Variants in PCDHGB4 observed in about 807,000 individuals in gnomAD.
PCDHGB4 encodes the protein protocadherin gamma subfamily B, 4.
PCDHGB4 carries 38 observed loss-of-function variants against 60.5 expected under a neutral mutation model. The observed-to-expected ratio is 0.63, with a 90% confidence interval of 0.48 to 0.82. The LOEUF (loss-of-function observed/expected upper bound fraction) is 0.82, where lower values mean the gene tolerates loss of function less well. Among genes scored for constraint, PCDHGB4 ranks in the 40% least tolerant of loss-of-function variants. The pLI, the probability that PCDHGB4 is intolerant of heterozygous loss-of-function variation, is 0.00. For missense variants in PCDHGB4, 1,109 were observed against 1,209.6 expected (o/e 0.92, Z 1.23); for synonymous variants, 456 against 509.7 (o/e 0.89, Z 1.42).
chr5:141,431,767 T>C lies in PCDHGB4; in HGVS notation c.2397+41486T>C. The C allele has an allele frequency of 1.2e-6, 2 of 1,614,224 alleles. No homozygotes were observed. Among genetic ancestry groups the C allele is most frequent in the Non-Finnish European group, 1.7e-6 (2 of 1,180,034 alleles). ...CTGCGCGAGCCAAAGTCCTGATCAC[T>C]GTTCTGGACGTGAACGACAATGCCC... On this transcript the variant is annotated intron_variant, in intron 1 of 3. Coordinates refer to ENST00000519479, the MANE Select transcript of PCDHGB4 (RefSeq NM_003736.4). This position sits in a 1 kb window ranked among gnomAD's most constrained non-coding sequence, Gnocchi z 4.8.
In PCDHGB4 at chr5:141,477,844, G is replaced by A. The variant is rs748180474; in HGVS notation, c.2398-16963G>A. On this transcript the variant is annotated intron_variant, in intron 1 of 3. Coordinates refer to ENST00000519479, the MANE Select transcript of PCDHGB4 (RefSeq NM_003736.4). This position sits in a 1 kb window ranked among gnomAD's most constrained non-coding sequence, Gnocchi z 4.9. ...TATATCCTCGGCCAGGTGGGAGCTC[G>A]GTGGAGATGCTGCCTCGAGGTACCT... The A allele has an allele frequency of 6.2e-7, 1 of 1,613,394 alleles. No individual in the cohort carries two copies.
chr5:141,409,004 G>A, intron 1 of PCDHGB4: 3 of 1,614,004 alleles, frequency 1.9e-6, no homozygotes, highest in Non-Finnish European at 1.7e-6. Context: ...GACAGCCACT[G>A]ACCAGGATGA....
At position 141,491,065 on chromosome 5, in the gene PCDHGB4, C is replaced by T; in HGVS notation, c.2398-3742C>T. On this transcript the variant is annotated intron_variant, in intron 1 of 3. Transcript: ENST00000519479. This position sits in a 1 kb window ranked among gnomAD's most constrained non-coding sequence, Gnocchi z 6.9. ...CCACAATGCGTGGCTCTCCTACTCA[C>T]TGTTGCCACAGTCCACAGCCCCAGG... 4 of 1,614,210 alleles carry T rather than the reference C, an allele frequency of 2.5e-6. No individual in the cohort carries two copies. Among genetic ancestry groups the T allele is most frequent in the Admixed American group, 1.7e-5 (1 of 60,030 alleles).
At chr5:141,449,588 CAAAAAAA>C (rs768743917) in intron 1 of PCDHGB4, among the ~76,000 whole-genome samples, 5 of 57,506 alleles carry the variant, frequency 8.7e-5, no homozygotes, top group Admixed American at 3.6e-4. Flanking sequence ...GACTCTGTCT[CAAAAAAA>C]AAAAAAAAAA....
chr5:141,484,958 G>C (rs2099604320), intron 1 of PCDHGB4: 1 of 575,756 alleles, frequency 1.7e-6, no homozygotes, highest in Non-Finnish European at 3.1e-6. Flanking sequence ...TATTGGCTGA[G>C]CCCGGGAGCC....
intron 1 of PCDHGB4, among the ~76,000 whole-genome samples, chr5:141,454,980 T>A (rs1049733405): frequency 9.3e-5 from 14 of 151,310 alleles, no homozygotes; most frequent in African/African-American, 2.4e-4. Context: ...GCTAATTTTT[T>A]AAAAAATATT....
In PCDHGB4 at chr5:141,512,839, C is replaced by T. The variant is rs141207714; in HGVS notation, c.*1666C>T. ...GACCCCCTCCCCCGTACTGACTTCTCCTATAAGCGCTTCTCTTCGCATAGT... is the reference window on the plus strand; with the variant it reads ...GACCCCCTCCCCCGTACTGACTTCTTCTATAAGCGCTTCTCTTCGCATAGT... On this transcript the variant is annotated 3_prime_UTR_variant, in exon 4 of 4. Transcript: ENST00000519479. 278 of 152,216 alleles carry T rather than the reference C, an allele frequency of 1.8e-3. 2 individuals are homozygous for T. Among genetic ancestry groups the T allele is most frequent in the Middle Eastern group, 0.01 (3 of 292 alleles). 9.4% of individuals were successfully genotyped at this position (152,216 alleles called of 1,614,324 possible). A position where few individuals can be genotyped will look rare whatever the true frequency, so the allele number is the denominator to read the frequency against.
At position 141,476,719 on chromosome 5, in the gene PCDHGB4, C is replaced by T; in HGVS notation, c.2398-18088C>T. ...ACGCGGAGCTGGTGTTGGAGCGCGC[C>T]CTGGACCGAGAACGGGAGCCTAGTC... On this transcript the variant is annotated intron_variant, in intron 1 of 3. Coordinates refer to ENST00000519479, the MANE Select transcript of PCDHGB4 (RefSeq NM_003736.4). The surrounding 1 kb of genome is among the most constrained non-coding windows in gnomAD (Gnocchi z 7.6). The T allele has an allele frequency of 6.2e-7, 1 of 1,614,154 alleles. No homozygotes were observed.
chr5:141,422,296 A>C, intron 1 of PCDHGB4: 1 of 1,550,706 alleles, frequency 6.4e-7, no homozygotes, highest in South Asian at 1.3e-5. Context: ...TATTAATTCA[A>C]TTCTGGAAAA....
chr5:141,455,541 A>G (rs2098825752), intron 1 of PCDHGB4, among the ~76,000 whole-genome samples: 1 of 152,134 alleles, frequency 6.6e-6, no homozygotes, highest in African/African-American at 2.4e-5. Context: ...CATATCATTC[A>G]CGTAGCCCGA....
chr5:141,439,669 A>T (rs983024479), intron 1 of PCDHGB4, among the ~76,000 whole-genome samples: 4 of 152,174 alleles, frequency 2.6e-5, no homozygotes, highest in Non-Finnish European at 5.9e-5. Context: ...ATGGAATGCA[A>T]ATCCAAGAGC....
chr5:141,404,177 A>C, intron 1 of PCDHGB4: 1 of 1,613,448 alleles, frequency 6.2e-7, no homozygotes, highest in Non-Finnish European at 8.5e-7. Context: ...GACGGCCCAA[A>C]TTCTTGACCG....
At position 141,486,994 on chromosome 5, in the gene PCDHGB4, C is replaced by G. The variant is rs779792543; in HGVS notation, c.2398-7813C>G. ...ATTCAGGTTACAATGCTTGGGTTTC[C>G]TATCAGCTCCTGGAGGCCCCAGATC... On this transcript the variant is annotated intron_variant, in intron 1 of 3. Coordinates refer to ENST00000519479, the MANE Select transcript of PCDHGB4 (RefSeq NM_003736.4). The surrounding 1 kb of genome is among the most constrained non-coding windows in gnomAD (Gnocchi z 5.0). 3 of 1,614,214 alleles carry G rather than the reference C, an allele frequency of 1.9e-6. No individual in the cohort carries two copies. Among genetic ancestry groups the G allele is most frequent in the Admixed American group, 1.7e-5 (1 of 60,030 alleles).
chr5:141,500,005 G>A (rs994274763), intron 2 of PCDHGB4, among the ~76,000 whole-genome samples: 30 of 151,476 alleles, frequency 2.0e-4, no homozygotes, highest in Non-Finnish European at 3.8e-4. Context: ...TCTTTCATAA[G>A]GTCCACATTT....
rs1318416407 is a variant in PCDHGB4 at position 141,389,975 on chromosome 5, C to A, written c.2091C>A (p.Ile697=). The change falls in exon 1 of 4, where the codon ATC becomes ATA. Residue 697 remains isoleucine (I), a synonymous_variant. Transcript: ENST00000519479. ...ACCTAGTGGTGGCCTTGGCCTTGAT[C>A]TCAGTGCTCTTCCTCGTGGCCATGA... The part of the protein sequence containing the change: ...QFYLVVALAL[I]SVLFLVAMIL... 1 of 1,614,060 alleles carries A rather than the reference C, an allele frequency of 6.2e-7. No individual in the cohort carries two copies. Among genetic ancestry groups the A allele is most frequent in the Non-Finnish European group, 8.5e-7 (1 of 1,179,890 alleles).
At chr5:141,478,884 C>A in intron 1 of PCDHGB4, 1 of 1,194,298 alleles carries the variant, frequency 8.4e-7, no homozygotes, top group Non-Finnish European at 1.1e-6. Flanking sequence ...AGCTTGGTAT[C>A]ATTTACATTA....
At chr5:141,427,898 C>A (rs2154552434) in intron 1 of PCDHGB4, 1 of 1,570,872 alleles carries the variant, frequency 6.4e-7, no homozygotes, top group Non-Finnish European at 8.7e-7. Context: ...AGGGCTCGCC[C>A]GCGCTCAGCG....
intron 1 of PCDHGB4, chr5:141,415,704 T>G: frequency 7.4e-7 from 1 of 1,344,464 alleles, no homozygotes; most frequent in Non-Finnish European, 1.0e-6. Flanking sequence ...GTGTAAATGC[T>G]AAAACACTGA....
chr5:141,419,610 C>T (rs779657777), intron 1 of PCDHGB4: 162 of 1,612,012 alleles, frequency 1.0e-4, no homozygotes, highest in Non-Finnish European at 1.3e-4. Flanking sequence ...GCCGCGCAGC[C>T]AGGCTACCTG....
Sources: allele counts gnomAD v4.1 joint callset (sites outside exome capture counted in the v4.1 genomes callset), GRCh38; gene constraint gnomAD v4.1.1; non-coding constraint Gnocchi (gnomAD v3.1); transcripts MANE v1.5; gene names NCBI Gene and HGNC (gene_info 2026-07-23, HGNC 2026-07-21).